The following PRKACB variants were observed in gnomAD, a reference collection of about 807,000 sequenced individuals.
PRKACB encodes the protein cAMP-dependent protein kinase catalytic subunit beta.
PRKACB carries 16 observed loss-of-function variants against 51.4 expected under a neutral mutation model. The observed-to-expected ratio is 0.31, with a 90% CI of 0.21 to 0.47. The LOEUF (loss-of-function observed/expected upper bound fraction) is 0.47, where lower values mean the gene tolerates loss of function less well. PRKACB is among the 20% of genes least tolerant of loss of function. The pLI is 1.00. For synonymous variants in PRKACB, 147 were observed against 154.4 expected (o/e 0.95, Z 0.35); for missense variants, 309 against 464.5 (o/e 0.67, Z 3.08).
chr1:84,202,906 G>A (rs1670537254), intron 8 of PRKACB, 101 bp downstream of exon 8: 2 of 975,816 alleles, frequency 2.0e-6, no homozygotes, highest in Non-Finnish European at 2.8e-6. Context: ...TCTACATTGG[G>A]AAAAATATAG....
At chr1:84,163,944 C>CA (rs1010012664) in intron 1 of PRKACB, among the ~76,000 whole-genome samples, 1 of 151,950 alleles carries the variant, frequency 6.6e-6, no homozygotes, top group African/African-American at 2.4e-5. Context: ...CCATGCTACC[C>CA]AGTCAGCCCA....
At chr1:84,108,011 A>G (rs1649922870) in intron 1 of PRKACB, among the ~76,000 whole-genome samples, 1 of 152,158 alleles carries the variant, frequency 6.6e-6, no homozygotes, top group South Asian at 2.1e-4. Flanking sequence ...ATTCTACCAT[A>G]AAGACACATT....
upstream of PRKACB, among the ~76,000 whole-genome samples, chr1:84,140,054 C>A (rs1323361694): frequency 6.6e-6 from 1 of 151,266 alleles, no homozygotes; most frequent in Non-Finnish European, 1.5e-5. Context: ...ACTGAGACTC[C>A]GTCTCAAGAA....
At chr1:84,113,071 A>G (rs1650362009) in intron 1 of PRKACB, among the ~76,000 whole-genome samples, 1 of 152,238 alleles carries the variant, frequency 6.6e-6, no homozygotes, top group South Asian at 2.1e-4. Flanking sequence ...ATTACTAAAT[A>G]TGAAATTTAG....
intron 1 of PRKACB, among the ~76,000 whole-genome samples, chr1:84,101,549 C>T (rs778997399): frequency 1.3e-5 from 2 of 152,130 alleles, no homozygotes; most frequent in African/African-American, 2.4e-5. Context: ...TTTTAACTTA[C>T]ATTTATTACT....
At chr1:84,234,425 G>T (rs1449188030) in intron 9 of PRKACB, among the ~76,000 whole-genome samples, 1 of 152,256 alleles carries the variant, frequency 6.6e-6, no homozygotes, top group African/African-American at 2.4e-5. Context: ...GCCTCCTTGA[G>T]CTGTGGTGGG....
At chr1:84,181,950 G>C (rs1346248737) in intron 2 of PRKACB, among the ~76,000 whole-genome samples, 1 of 151,862 alleles carries the variant, frequency 6.6e-6, no homozygotes, top group Admixed American at 6.6e-5. Flanking sequence ...TTTCAGCTGA[G>C]GCTCTTATTT....
intron 1 of PRKACB, among the ~76,000 whole-genome samples, chr1:84,093,148 C>T (rs1230306793): frequency 1.3e-5 from 2 of 152,012 alleles, no homozygotes; most frequent in Admixed American, 6.6e-5. Context: ...TGGCCTTCCT[C>T]GGTCTTCTTT....
At chr1:84,089,341 A>G (rs74534156) in intron 1 of PRKACB, among the ~76,000 whole-genome samples, 4 of 152,168 alleles carry the variant, frequency 2.6e-5, no homozygotes, top group Admixed American at 6.5e-5. Context: ...TATGGTATAT[A>G]GTAACTTCTT....
intron 1 of PRKACB, among the ~76,000 whole-genome samples, chr1:84,175,309 A>C (rs1004180405): frequency 6.6e-6 from 1 of 151,788 alleles, no homozygotes; most frequent in Non-Finnish European, 1.5e-5. Context: ...TGTACAAAGT[A>C]GTAGAAGAAA....
Position 84,157,913 on chromosome 1 carries a change from A to G in PRKACB, c.187+13365A>G, listed in dbSNP as rs150779078. On this transcript the variant is annotated intron_variant, in intron 1 of 9. Coordinates refer to ENST00000370685, the MANE Select transcript of PRKACB (RefSeq NM_182948.4). ...TTTTATTTCTCTTGGGTAGATATCT[A>G]GAAGTAGAATTTCTAGGTCATATGG... Among the ~76,000 whole-genome samples, 15 of 152,274 alleles carry G rather than the reference A, an allele frequency of 9.9e-5. No homozygotes were observed. In the East Asian group the frequency reaches 2.7e-3, roughly 27 times the overall value.
At chr1:84,201,144 A>C (rs1441467203) in intron 7 of PRKACB, among the ~76,000 whole-genome samples, 2 of 152,094 alleles carry the variant, frequency 1.3e-5, no homozygotes, top group African/African-American at 4.8e-5. Flanking sequence ...TTGCTTTCCA[A>C]AGTTATTATG....
chr1:84,127,232 C>G (rs1651700079), intron 1 of PRKACB, among the ~76,000 whole-genome samples: 1 of 152,164 alleles, frequency 6.6e-6, no homozygotes, highest in Non-Finnish European at 1.5e-5. Flanking sequence ...GTAGAATTAT[C>G]TGCTAAGTTG....
At chr1:84,184,355 C>G (rs1435564883) in intron 4 of PRKACB, among the ~76,000 whole-genome samples, 1 of 151,804 alleles carries the variant, frequency 6.6e-6, no homozygotes, top group Non-Finnish European at 1.5e-5. Context: ...AGGTGATACT[C>G]ATGAGATGGT....
intron 1 of PRKACB, among the ~76,000 whole-genome samples, chr1:84,160,740 C>G (rs1235983311): frequency 1.3e-5 from 2 of 150,476 alleles, no homozygotes; most frequent in African/African-American, 4.9e-5. Context: ...TTCTAATTTC[C>G]CTTGGAATTT....
At chr1:84,234,899 T>C (rs929965411) in intron 9 of PRKACB, among the ~76,000 whole-genome samples, 2 of 152,232 alleles carry the variant, frequency 1.3e-5, no homozygotes, top group Non-Finnish European at 2.9e-5. Flanking sequence ...CTGGGAGCTG[T>C]AGACCGTACC....
At chr1:84,211,618 T>G (rs923180509) in intron 8 of PRKACB, among the ~76,000 whole-genome samples, 4 of 152,128 alleles carry the variant, frequency 2.6e-5, no homozygotes, top group African/African-American at 4.8e-5. Context: ...GGTTATTGAA[T>G]CATGGAAGGA....
intron 9 of PRKACB, among the ~76,000 whole-genome samples, chr1:84,224,505 T>TA (rs1293893818): frequency 2.0e-5 from 3 of 152,134 alleles, no homozygotes; most frequent in Non-Finnish European, 4.4e-5. Flanking sequence ...CATATGTGGG[T>TA]AAGCGCCAGC....
chr1:84,142,474 TA>T (rs1347351618), upstream of PRKACB, among the ~76,000 whole-genome samples: 1 of 152,200 alleles, frequency 6.6e-6, no homozygotes, highest in African/African-American at 2.4e-5. Context: ...CTGTTTTGTG[TA>T]AGGCACTACC....
Sources: gnomAD v4.1 joint callset for allele counts (sites outside exome capture counted in the v4.1 genomes callset) on GRCh38, gnomAD v4.1.1 for gene constraint, MANE v1.5 for transcripts, NCBI Gene and HGNC (gene_info 2026-07-23, HGNC 2026-07-21) for gene names.